PCDH11Y: variants seen among roughly 807,000 people sequenced by gnomAD.
PCDH11Y encodes protocadherin 11 Y-linked.
For missense variants in PCDH11Y, 12 were observed against 224.8 expected (o/e 0.05, Z 6.05); for synonymous variants, 9 against 83.6 (o/e 0.11, Z 4.87).
intron 4 of PCDH11Y, among the ~76,000 whole-genome samples, chrY:5,660,720 A>T (rs2053540494): frequency 3.0e-5 from 1 of 32,800 alleles, no homozygotes; most frequent in Non-Finnish European, 7.5e-5. Flanking sequence ...AATTTAAACC[A>T]TGTACTGTGA....
chrY:5,551,556 T>A, intron 3 of PCDH11Y, among the ~76,000 whole-genome samples: 1 of 32,343 alleles, frequency 3.1e-5, no homozygotes, highest in Non-Finnish European at 7.6e-5. Context: ...TTCAGGATAT[T>A]CTACTCCAAA....
intron 3 of PCDH11Y, among the ~76,000 whole-genome samples, chrY:5,531,102 G>C: frequency 3.4e-5 from 1 of 29,826 alleles, no homozygotes; most frequent in Admixed American, 3.2e-4. Context: ...GAAGTATTCA[G>C]TTTGCTCATT....
chrY:5,096,024 C>T, intron 1 of PCDH11Y, among the ~76,000 whole-genome samples: 1 of 19,639 alleles, frequency 5.1e-5, no homozygotes, highest in Non-Finnish European at 1.1e-4. Context: ...TATATTATGG[C>T]ACTGCATTTG....
intron 4 of PCDH11Y, among the ~76,000 whole-genome samples, chrY:5,676,285 C>T: frequency 3.1e-5 from 1 of 32,051 alleles, no homozygotes; most frequent in Non-Finnish European, 7.6e-5. Flanking sequence ...TGAGGCTGCA[C>T]AGAGAAGGGC....
At chrY:5,237,065 C>A in intron 2 of PCDH11Y, among the ~76,000 whole-genome samples, 1 of 32,908 alleles carries the variant, frequency 3.0e-5, no homozygotes, top group Non-Finnish European at 7.5e-5. Context: ...GTACTTTTTG[C>A]AAGTTTGTTC....
intron 3 of PCDH11Y, among the ~76,000 whole-genome samples, chrY:5,033,804 T>G: frequency 3.1e-5 from 1 of 32,502 alleles, no homozygotes; most frequent in Non-Finnish European, 7.6e-5. Context: ...TACTCCTCTG[T>G]CACTTCCATC....
At chrY:5,187,279 G>A (rs71218203) in intron 2 of PCDH11Y, among the ~76,000 whole-genome samples, 1 of 32,908 alleles carries the variant, frequency 3.0e-5, no homozygotes, top group African/African-American at 1.2e-4. Context: ...CTGTTCTCAC[G>A]GCTCCAGTAG....
intron 2 of PCDH11Y, among the ~76,000 whole-genome samples, chrY:5,390,783 G>A: frequency 3.1e-5 from 1 of 32,747 alleles, no homozygotes; most frequent in South Asian, 6.6e-4. Context: ...GATATCATTT[G>A]CATTACATAA....
At chrY:5,164,336 T>C in intron 2 of PCDH11Y, among the ~76,000 whole-genome samples, 3 of 32,452 alleles carry the variant, frequency 9.2e-5, no homozygotes, top group Non-Finnish European at 2.3e-4. Flanking sequence ...GTCAGAAGTA[T>C]ATTATTGCAA....
intron 2 of PCDH11Y, among the ~76,000 whole-genome samples, chrY:5,124,285 C>T (rs879155600): frequency 3.0e-5 from 1 of 32,886 alleles, no homozygotes; most frequent in Non-Finnish European, 7.5e-5. Flanking sequence ...CCTGCTCAAA[C>T]GGGAATGTTA....
intron 1 of PCDH11Y, among the ~76,000 whole-genome samples, chrY:5,024,593 C>T: frequency 3.0e-5 from 1 of 32,894 alleles, no homozygotes; most frequent in African/African-American, 1.2e-4. Context: ...TGAATGAATA[C>T]GCATTTTTCT....
At chrY:5,169,899 C>T in intron 2 of PCDH11Y, among the ~76,000 whole-genome samples, 2 of 32,008 alleles carry the variant, frequency 6.2e-5, no homozygotes, top group Non-Finnish European at 1.5e-4. Context: ...TTTCTCAGTA[C>T]CATGATCTTA....
At chrY:5,299,487 C>T (rs2124662994) in intron 2 of PCDH11Y, among the ~76,000 whole-genome samples, 1 of 31,190 alleles carries the variant, frequency 3.2e-5, no homozygotes, top group South Asian at 7.4e-4. Flanking sequence ...GCTCAAAATT[C>T]TATCTATCCT....
At chrY:5,281,675 C>T (rs2124660811) in intron 2 of PCDH11Y, among the ~76,000 whole-genome samples, 1 of 29,026 alleles carries the variant, frequency 3.4e-5, no homozygotes, top group South Asian at 8.2e-4. Context: ...AGAAGGGAAA[C>T]GTAATAGCCT....
At chrY:5,322,594 T>C in intron 2 of PCDH11Y, among the ~76,000 whole-genome samples, 1 of 32,521 alleles carries the variant, frequency 3.1e-5, no homozygotes, top group Non-Finnish European at 7.5e-5. Flanking sequence ...AACCCGTGGA[T>C]ACAAGGTGCC....
intron 2 of PCDH11Y, among the ~76,000 whole-genome samples, chrY:5,364,357 A>T: frequency 3.1e-5 from 1 of 32,782 alleles, no homozygotes; most frequent in Non-Finnish European, 7.4e-5. Context: ...ACAAGGGTTT[A>T]GGTGGTATGA....
chrY:5,427,769 G>A (rs2053265133), intron 2 of PCDH11Y, among the ~76,000 whole-genome samples: 1 of 32,718 alleles, frequency 3.1e-5, no homozygotes, highest in Admixed American at 2.8e-4. Context: ...ACTGACACAC[G>A]CCCAGTAGTG....
intron 2 of PCDH11Y, among the ~76,000 whole-genome samples, chrY:5,342,182 T>C (rs2053146311): frequency 3.1e-5 from 1 of 32,682 alleles, no homozygotes; most frequent in Non-Finnish European, 7.4e-5. Flanking sequence ...TAGAAATTCT[T>C]CCACATTAAA....
In PCDH11Y at chrY:5,441,038, G is replaced by A. The variant is rs1341421112; in HGVS notation, c.3130-60019G>A. 1.6e-3 allele frequency among the ~76,000 whole-genome samples: 52 copies of A among 32,109 alleles called. No individual in the cohort carries two copies. The East Asian group carries it at 0.042, about 26-fold the overall frequency. 86.1% of individuals were successfully genotyped at this position (32,109 alleles called of 37,273 possible). On this transcript the variant is annotated intron_variant, in intron 2 of 4. Transcript: ENST00000400457. ...ATGCCAAAACTTCATCTCATAATTT[G>A]CAGATGTAATACAATAAATAATTAT...
Sources: gnomAD v4.1 joint callset for allele counts (sites outside exome capture counted in the v4.1 genomes callset) on GRCh38, gnomAD v4.1.1 for gene constraint, MANE v1.5 for transcripts, NCBI Gene and HGNC (gene_info 2026-07-23, HGNC 2026-07-21) for gene names.